The following NRL variants were observed in gnomAD, a reference collection of about 807,000 sequenced individuals.
The protein encoded by NRL is neural retina-specific leucine zipper protein.
A neutral mutation model predicts 12.5 loss-of-function variants in NRL; 16 were observed. The ratio of observed to expected loss-of-function variants is 1.28; its 90% CI spans 0.87 to 1.95. The LOEUF (loss-of-function observed/expected upper bound fraction) is 1.95. Among genes scored for constraint, NRL ranks in the 30% most tolerant of loss-of-function variants. The probability of loss-of-function intolerance (pLI) is 0.00; values close to 1 mark genes in which losing one functional copy is unlikely to be tolerated. For missense variants in NRL, 314 were observed against 325.8 expected, an observed-to-expected ratio of 0.96 and a Z score of 0.28; for synonymous variants, 142 against 150.9, an observed-to-expected ratio of 0.94 and a Z score of 0.43.
chr14:24,104,095 G>A, intron 1 of NRL: 2 of 646,966 alleles, frequency 3.1e-6, no homozygotes, highest in South Asian at 1.9e-5. Context: ...CACAAAGACT[G>A]TCCAATAATA....
chr14:24,098,195 TC>T, intron 1 of NRL: 4 of 1,586,258 alleles, frequency 2.5e-6, no homozygotes, highest in Admixed American at 3.5e-5. Context: ...CAATCCCCTC[TC>T]CCCCAGCTGG....
chr14:24,099,196 G>C lies in NRL; in HGVS notation c.-28+15526C>G, dbSNP rs145832168. ...TGCTTTGCCCTACGCATCGCCTCTC[G>C]GCTGGCCCGGGATGAGGGCTGGCTG... is the stretch of plus-strand genomic sequence containing the variant. On this transcript the variant is annotated intron_variant, in intron 1 of 2. Coordinates refer to ENST00000561028, the MANE Select transcript of NRL (RefSeq NM_001354768.3). The C allele has an allele frequency of 2.1e-5, 33 of 1,603,468 alleles. No homozygotes were observed. The Admixed American group carries it at 2.7e-4, about 13-fold the overall frequency.
At chr14:24,096,913 C>A (rs1313726630) in intron 1 of NRL, 10 of 1,613,356 alleles carry the variant, frequency 6.2e-6, no homozygotes, top group Non-Finnish European at 8.5e-6. Flanking sequence ...ATGGGCTGAG[C>A]CCCTTGGGCT....
rs773126920 is a variant in NRL, at chr14:24,099,928, C to A, written c.-28+14794G>T. 8 of 1,613,520 alleles carry A rather than the reference C, an allele frequency of 5.0e-6. No homozygotes were observed. The African/African-American group carries it at 5.3e-5, about 11-fold the overall frequency. On this transcript the variant is annotated intron_variant, in intron 1 of 2. Coordinates refer to ENST00000561028, the MANE Select transcript of NRL (RefSeq NM_001354768.3). ...CAGGACAGGGGTGGGTGGAGCAGGA[C>A]CTTCTTTGGTCTTACATCTCAAGTT... is the stretch of plus-strand genomic sequence containing the variant.
intron 1 of NRL, among the ~76,000 whole-genome samples, chr14:24,089,525 G>A (rs1020530713): frequency 2.6e-5 from 4 of 152,196 alleles, no homozygotes; most frequent in Non-Finnish European, 5.9e-5. Context: ...GGATTACAAG[G>A]CATGAGCCAC....
intron 1 of NRL, among the ~76,000 whole-genome samples, chr14:24,096,024 CTG>C (rs1239549216): frequency 1.3e-5 from 2 of 152,166 alleles, no homozygotes; most frequent in Admixed American, 1.3e-4. Flanking sequence ...ACTGGAAAGA[CTG>C]TGACCTTTGC....
chr14:24,103,352 T>C, intron 1 of NRL: 1 of 1,177,764 alleles, frequency 8.5e-7, no homozygotes, highest in Non-Finnish European at 1.2e-6. Context: ...ACCCCTGGAG[T>C]CTGATATGGC....
intron 1 of NRL, among the ~76,000 whole-genome samples, chr14:24,109,966 T>C (rs894998689): frequency 6.6e-6 from 1 of 152,146 alleles, no homozygotes; most frequent in South Asian, 2.1e-4. Flanking sequence ...GTTAAGGAGA[T>C]AAGTTTAACA....
chr14:24,082,006 A>C, intron 2 of NRL: 3 of 1,203,628 alleles, frequency 2.5e-6, no homozygotes, highest in Non-Finnish European at 3.1e-6. Context: ...TAATGCCCGC[A>C]ACACCCCCAT....
At chr14:24,114,103 AC>A (rs1182923155) in intron 1 of NRL, 2 of 152,478 alleles carry the variant, frequency 1.3e-5, no homozygotes, top group Non-Finnish European at 2.9e-5. Flanking sequence ...GCGGAGAGGC[AC>A]CGCGAGGACA....
intron 1 of NRL, among the ~76,000 whole-genome samples, chr14:24,099,399 GT>G (rs2037057916): frequency 6.6e-6 from 1 of 152,230 alleles, no homozygotes; most frequent in African/African-American, 2.4e-5. Flanking sequence ...GAATGTTGAG[GT>G]TTCCCCTGCC....
chr14:24,114,090 G>A (rs1355257626), intron 1 of NRL: 1 of 152,552 alleles, frequency 6.6e-6, no homozygotes, highest in Non-Finnish European at 1.5e-5. Flanking sequence ...CCCGCGGCCG[G>A]GGGCGGAGAG....
chr14:24,094,916 C>G lies in NRL; in HGVS notation c.-27-12041G>C, dbSNP rs1054106343. On this transcript the variant is annotated intron_variant, in intron 1 of 2. Transcript: ENST00000561028. The surrounding 1 kb of genome is among the most constrained non-coding windows in gnomAD (Gnocchi z 4.1). The stretch of plus-strand genomic sequence containing the variant: ...TGGAAGGTTAAATATCCATTCCCGG[C>G]CTCTCCCGGACTGGAAGGACTGGAA... The G allele has an allele frequency of 3.5e-6, 4 of 1,158,184 alleles. No individual in the cohort carries two copies. The African/African-American group carries it at 6.3e-5, about 18-fold the overall frequency. The allele number at this position is 1,158,184 out of a possible 1,614,324, so 71.7% of individuals were successfully genotyped here. A position where few individuals can be genotyped will look rare whatever the true frequency, so the allele number is the denominator to read the frequency against.
chr14:24,102,983 ATC>A, intron 1 of NRL: 4 of 1,397,922 alleles, frequency 2.9e-6, no homozygotes, highest in Non-Finnish European at 4.0e-6. Flanking sequence ...CTCAGCCTGG[ATC>A]TCACCTTTCT....
In NRL at chr14:24,094,195, C is replaced by CG. The variant is rs1183933226; in HGVS notation, c.-27-11321dup. The CG allele has an allele frequency of 3.5e-6, 2 of 565,114 alleles. No homozygotes were observed. Among genetic ancestry groups the CG allele is most frequent in the East Asian group, 3.4e-5 (1 of 29,266 alleles). 35.0% of individuals were successfully genotyped at this position (565,114 alleles called of 1,614,324 possible). A position where few individuals can be genotyped will look rare whatever the true frequency, so the allele number is the denominator to read the frequency against. On this transcript the variant is annotated intron_variant, in intron 1 of 2. Transcript: ENST00000561028. This position sits in a 1 kb window ranked among gnomAD's most constrained non-coding sequence, Gnocchi z 4.1. ...TGGGCTGACCTGGAGCCTGGAGCCC[C>CG]GGGGCCGAGGGAGCTGGCCTGCCAG...
chr14:24,107,827 C>T (rs878868389), intron 1 of NRL, among the ~76,000 whole-genome samples: 1 of 152,106 alleles, frequency 6.6e-6, no homozygotes, highest in Non-Finnish European at 1.5e-5. Context: ...ATTTCATTAC[C>T]CTATGGTATT....
At chr14:24,098,086 G>T (rs1594292718) in intron 1 of NRL, 3 of 794,346 alleles carry the variant, frequency 3.8e-6, no homozygotes, top group Non-Finnish European at 2.0e-6. Context: ...ATGTGATTGG[G>T]TGGGGAAACA....
rs1270228407 is a variant in NRL at position 24,079,761 on chromosome 14, C to T, written c.*1475G>A. Among the ~76,000 whole-genome samples the T allele has an allele frequency of 6.6e-6, 1 of 152,188 alleles. No homozygotes were observed. The highest frequency in any genetic ancestry group is 1.5e-5 in the Non-Finnish European group (1 of 68,032). On this transcript the variant is annotated 3_prime_UTR_variant, in exon 3 of 3. Coordinates refer to ENST00000561028, the MANE Select transcript of NRL (RefSeq NM_001354768.3). ...GGACAGATGACAGTAACTCGTGAGGCGGCTGCTCCCAGCACAACGCCTGTG... is the reference window on the plus strand; with the variant it reads ...GGACAGATGACAGTAACTCGTGAGGTGGCTGCTCCCAGCACAACGCCTGTG...
At position 24,094,115 on chromosome 14, in the gene NRL, C is replaced by A. The variant is rs772460754; in HGVS notation, c.-27-11240G>T. The A allele has an allele frequency of 3.7e-6, 2 of 542,556 alleles. No individual in the cohort carries two copies. The highest frequency in any genetic ancestry group is 6.5e-6 in the Non-Finnish European group (2 of 309,768). 33.6% of individuals were successfully genotyped at this position (542,556 alleles called of 1,614,324 possible). Reference sequence around the variant, plus strand: ...TCGGGGGCCGAAGAGTGGACCCAGTCCTCCAATGGGAGAGATGGGTTTGGC... The same window carrying A: ...TCGGGGGCCGAAGAGTGGACCCAGTACTCCAATGGGAGAGATGGGTTTGGC... On this transcript the variant is annotated intron_variant, in intron 1 of 2. Coordinates refer to ENST00000561028, the MANE Select transcript of NRL (RefSeq NM_001354768.3). The surrounding 1 kb of genome is among the most constrained non-coding windows in gnomAD (Gnocchi z 4.1).
Sources: allele counts gnomAD v4.1 joint callset (sites outside exome capture counted in the v4.1 genomes callset), GRCh38; gene constraint gnomAD v4.1.1; non-coding constraint Gnocchi (gnomAD v3.1); transcripts MANE v1.5; gene names NCBI Gene and HGNC (gene_info 2026-07-23, HGNC 2026-07-21).